LRBA: variants seen among roughly 807,000 people sequenced by gnomAD.
The protein encoded by LRBA is lipopolysaccharide-responsive and beige-like anchor protein.
In LRBA, 176 loss-of-function variants were observed where a neutral mutation model predicts 330.0. That is an observed-to-expected ratio of 0.53 (90% CI 0.47 to 0.60). LRBA has a LOEUF of 0.60. Ranked by LOEUF, LRBA falls within the 20% of genes least tolerant of loss-of-function variation. The pLI is 0.00. For synonymous variants in LRBA, 1,230 were observed against 1,193.0 expected (o/e 1.03, Z -0.64); for missense variants, 3,259 against 3,444.8 (o/e 0.95, Z 1.35).
At chr4:150,519,318 TTATAA>T (rs1375063978) in intron 40 of LRBA, among the ~76,000 whole-genome samples, 8 of 152,108 alleles carry the variant, frequency 5.3e-5, no homozygotes, top group Non-Finnish European at 1.0e-4. Flanking sequence ...CACCATCCTA[TTATAA>T]TATAATATTT....
At chr4:150,578,994 G>A (rs1770879746) in intron 40 of LRBA, 1 of 307,016 alleles carries the variant, frequency 3.3e-6, no homozygotes, top group Non-Finnish European at 6.4e-6. Context: ...AGGACCATCA[G>A]ATTTCGCACC....
chr4:150,442,713 C>A (rs191355017), intron 44 of LRBA, among the ~76,000 whole-genome samples: 1 of 152,266 alleles, frequency 6.6e-6, no homozygotes, highest in Non-Finnish European at 1.5e-5. Context: ...GAATAGAATA[C>A]AAGATGGCTG....
chr4:150,806,244 C>G, intron 33 of LRBA, 27 bp downstream of exon 33: 3 of 1,483,130 alleles, frequency 2.0e-6, no homozygotes, highest in Non-Finnish European at 2.7e-6. Context: ...TAAATACATA[C>G]AAATAAAATA....
chr4:150,432,679 T>A (rs965951526), intron 46 of LRBA, among the ~76,000 whole-genome samples: 1 of 151,892 alleles, frequency 6.6e-6, no homozygotes, highest in African/African-American at 2.4e-5. Flanking sequence ...TCTCCTGACC[T>A]CGTGATCCGC....
At chr4:150,474,876 G>C (rs1313235366) in intron 42 of LRBA, among the ~76,000 whole-genome samples, 1 of 152,122 alleles carries the variant, frequency 6.6e-6, no homozygotes, top group African/African-American at 2.4e-5. Context: ...AACTTAGGGG[G>C]AAAGTATTCA....
At chr4:150,758,512 C>T (rs765908969) in intron 35 of LRBA, among the ~76,000 whole-genome samples, 7 of 151,928 alleles carry the variant, frequency 4.6e-5, no homozygotes, top group African/African-American at 1.2e-4. Context: ...GCAACCTTGT[C>T]CCAGTCACCA....
intron 14 of LRBA, among the ~76,000 whole-genome samples, chr4:150,898,658 T>TAAGAAG (rs5862942): frequency 1.3e-5 from 2 of 151,806 alleles, no homozygotes; most frequent in African/African-American, 4.8e-5. Flanking sequence ...AAAAAAATAA[T>TAAGAAG]AAGACTAGAG....
At chr4:150,474,922 G>C (rs911199207) in intron 42 of LRBA, among the ~76,000 whole-genome samples, 3 of 152,120 alleles carry the variant, frequency 2.0e-5, no homozygotes, top group African/African-American at 7.2e-5. Context: ...CGTATTGGGA[G>C]TTTTTTGGTA....
intron 47 of LRBA, among the ~76,000 whole-genome samples, chr4:150,354,775 A>G (rs142619223): frequency 2.0e-4 from 31 of 152,236 alleles, no homozygotes; most frequent in African/African-American, 7.2e-4. Context: ...AGATATGCTA[A>G]AAAGTACAGT....
At chr4:150,320,336 T>C (rs1349222510) in intron 50 of LRBA, among the ~76,000 whole-genome samples, 1 of 152,176 alleles carries the variant, frequency 6.6e-6, no homozygotes, top group African/African-American at 2.4e-5. Context: ...TTATTTCAGT[T>C]GAGCATGACT....
intron 51 of LRBA, among the ~76,000 whole-genome samples, chr4:150,312,330 G>T (rs957692795): frequency 5.3e-5 from 8 of 152,016 alleles, no homozygotes; most frequent in Non-Finnish European, 1.2e-4. Context: ...CTTCCTAAGA[G>T]ATACACAGGT....
chr4:150,564,177 C>A (rs1262465700), intron 40 of LRBA, among the ~76,000 whole-genome samples: 1 of 152,064 alleles, frequency 6.6e-6, no homozygotes, highest in African/African-American at 2.4e-5. Flanking sequence ...GGTACTGGTA[C>A]CAAAACAGAT....
chr4:150,487,129 T>A (rs1757975227), intron 42 of LRBA, among the ~76,000 whole-genome samples: 2 of 151,714 alleles, frequency 1.3e-5, no homozygotes, highest in African/African-American at 4.8e-5. Context: ...ACATACTGTT[T>A]TCATTTCAGT....
chr4:150,617,623 C>G (rs1252545055), intron 37 of LRBA, among the ~76,000 whole-genome samples: 2 of 151,536 alleles, frequency 1.3e-5, no homozygotes, highest in African/African-American at 4.9e-5. Context: ...GCCTGGGCAA[C>G]AAGAATGAGA....
chr4:150,509,832 G>C lies in LRBA; in HGVS notation c.6331-18797C>G, dbSNP rs74978898. On this transcript the variant is annotated intron_variant, in intron 40 of 56. Transcript: ENST00000651943. Reference sequence around the variant, plus strand: ...TTGGACTACTTTGATGCGATGAACAGATCTCTTGAAAGACACAAACTTGGC... The same window carrying C: ...TTGGACTACTTTGATGCGATGAACACATCTCTTGAAAGACACAAACTTGGC... Among the ~76,000 whole-genome samples, 642 of 152,292 alleles carry C rather than the reference G, an allele frequency of 4.2e-3. 3 individuals are homozygous for C. The highest frequency in any genetic ancestry group is 0.015 in the African/African-American group (621 of 41,564).
intron 40 of LRBA, among the ~76,000 whole-genome samples, chr4:150,492,030 G>A (rs1004836093): frequency 6.6e-6 from 1 of 151,886 alleles, no homozygotes; most frequent in Non-Finnish European, 1.5e-5. Flanking sequence ...TACATTGTAG[G>A]AATAAAGATG....
chr4:150,534,587 C>A (rs867857803), intron 40 of LRBA, among the ~76,000 whole-genome samples: 8 of 151,922 alleles, frequency 5.3e-5, no homozygotes, highest in Non-Finnish European at 1.0e-4. Context: ...AACAATATTA[C>A]AAAAACAATA....
intron 37 of LRBA, among the ~76,000 whole-genome samples, chr4:150,655,810 A>T (rs564726827): frequency 6.6e-6 from 1 of 152,258 alleles, no homozygotes; most frequent in Non-Finnish European, 1.5e-5. Context: ...TATGATTTTA[A>T]AATACCAAAT....
chr4:150,570,230 T>C lies in LRBA; in HGVS notation c.6330+17818A>G, dbSNP rs145891189. Among the ~76,000 whole-genome samples the C allele has an allele frequency of 1.1e-3, 168 of 152,268 alleles. 2 individuals are homozygous for C. Among genetic ancestry groups the C allele is most frequent in the African/African-American group, 3.7e-3 (153 of 41,568 alleles). ...AAATTGATGTGTCGGGAATTTTTTT[T>C]TCCTTCCAAGTTCTTTTGGAGAACA... On this transcript the variant is annotated intron_variant, in intron 40 of 56. Coordinates refer to ENST00000651943, the MANE Select transcript of LRBA (RefSeq NM_001364905.1).
Sources: allele counts gnomAD v4.1 joint callset (sites outside exome capture counted in the v4.1 genomes callset), GRCh38; gene constraint gnomAD v4.1.1; transcripts MANE v1.5; gene names NCBI Gene and HGNC (gene_info 2026-07-23, HGNC 2026-07-21).